Variants in NRXN1 observed in about 807,000 individuals in gnomAD.
NRXN1 encodes the protein neurexin-1.
A neutral mutation model predicts 150.9 loss-of-function variants in NRXN1; 39 were observed. The ratio of observed to expected loss-of-function variants is 0.26; its 90% CI spans 0.20 to 0.34. NRXN1 has a LOEUF of 0.34. Among genes scored for constraint, NRXN1 ranks in the 10% least tolerant of loss-of-function variants. The pLI, the probability that NRXN1 is intolerant of heterozygous loss-of-function variation, is 1.00. For missense variants in NRXN1, 1,815 were observed against 1,949.9 expected (o/e 0.93, Z 1.30); for synonymous variants, 924 against 757.0 (o/e 1.22, Z -3.62).
chr2:50,903,524 G>A (rs918701960), intron 5 of NRXN1, among the ~76,000 whole-genome samples: 6 of 151,886 alleles, frequency 4.0e-5, no homozygotes, highest in African/African-American at 9.7e-5. Context: ...TTTGTTTTTT[G>A]TAGTGACATG....
chr2:50,623,254 C>A, intron 6 of NRXN1, 60 bp downstream of exon 6: 1 of 1,364,666 alleles, frequency 7.3e-7, no homozygotes, highest in South Asian at 1.3e-5. Context: ...ATTTAAGTAC[C>A]ACACACACAG....
At chr2:50,526,398 T>C (rs945036851) in intron 12 of NRXN1, among the ~76,000 whole-genome samples, 1 of 152,174 alleles carries the variant, frequency 6.6e-6, no homozygotes, top group Non-Finnish European at 1.5e-5. Flanking sequence ...TTAATAAACG[T>C]ACATTAATTT....
At chr2:50,391,506 C>T (rs575293267) in intron 17 of NRXN1, among the ~76,000 whole-genome samples, 1 of 152,104 alleles carries the variant, frequency 6.6e-6, no homozygotes, top group South Asian at 2.1e-4. Flanking sequence ...AAGCAACCCT[C>T]TTAAAATATA....
chr2:50,553,516 C>T (rs1667815568), intron 8 of NRXN1, among the ~76,000 whole-genome samples: 1 of 152,162 alleles, frequency 6.6e-6, no homozygotes. Context: ...ATCTATATAT[C>T]TGCTGTGGAT....
chr2:49,942,344 C>T (rs1338273723), intron 22 of NRXN1, among the ~76,000 whole-genome samples: 1 of 152,078 alleles, frequency 6.6e-6, no homozygotes. Flanking sequence ...TCTCTAAGCG[C>T]TACAGTCAGT....
At chr2:50,213,040 T>C (rs1020759335) in intron 18 of NRXN1, among the ~76,000 whole-genome samples, 1 of 151,922 alleles carries the variant, frequency 6.6e-6, no homozygotes, top group African/African-American at 2.4e-5. Flanking sequence ...TCTGTCTTTA[T>C]AATTGCTCAT....
At chr2:50,362,264 A>G (rs972720952) in intron 17 of NRXN1, among the ~76,000 whole-genome samples, 4 of 152,186 alleles carry the variant, frequency 2.6e-5, no homozygotes, top group African/African-American at 9.7e-5. Flanking sequence ...ATCAGGCAAG[A>G]GAAAGAAATA....
At chr2:50,829,694 G>A (rs1671117666) in intron 5 of NRXN1, 2 of 1,605,940 alleles carry the variant, frequency 1.2e-6, no homozygotes, top group Admixed American at 1.7e-5. Flanking sequence ...CGCCGCGCCA[G>A]GCCGCCCGCA....
intron 2 of NRXN1, among the ~76,000 whole-genome samples, chr2:50,972,496 G>A (rs953210806): frequency 6.6e-6 from 1 of 152,076 alleles, no homozygotes; most frequent in South Asian, 2.1e-4. Flanking sequence ...GACTGGGGAG[G>A]GGGGTGGTTT....
At chr2:49,971,941 C>T (rs1251665553) in intron 21 of NRXN1, among the ~76,000 whole-genome samples, 5 of 151,978 alleles carry the variant, frequency 3.3e-5, no homozygotes, top group Non-Finnish European at 1.5e-5. Flanking sequence ...AGAATGGAAA[C>T]TTTCTTTGGA....
intron 2 of NRXN1, among the ~76,000 whole-genome samples, chr2:50,977,707 T>C (rs1391938009): frequency 6.6e-6 from 1 of 151,928 alleles, no homozygotes; most frequent in African/African-American, 2.4e-5. Flanking sequence ...TCTAAGTTAC[T>C]TCAATCCTCT....
chr2:50,343,848 A>G (rs895637223), intron 17 of NRXN1, among the ~76,000 whole-genome samples: 1 of 152,232 alleles, frequency 6.6e-6, no homozygotes, highest in Non-Finnish European at 1.5e-5. Context: ...TGCATTCTCT[A>G]TTATGAAAGA....
intron 5 of NRXN1, among the ~76,000 whole-genome samples, chr2:50,716,342 T>C (rs1020626819): frequency 1.3e-5 from 2 of 152,072 alleles, no homozygotes; most frequent in African/African-American, 4.8e-5. Context: ...GAGAAACATT[T>C]AGGAAGCCGC....
chr2:50,081,872 G>C (rs990263228), intron 19 of NRXN1, among the ~76,000 whole-genome samples: 1 of 151,810 alleles, frequency 6.6e-6, no homozygotes, highest in Admixed American at 6.6e-5. Context: ...ATTGAGTTGG[G>C]AATGTGACTT....
chr2:50,330,462 CT>C (rs1487774074), intron 17 of NRXN1, among the ~76,000 whole-genome samples: 1 of 152,064 alleles, frequency 6.6e-6, no homozygotes, highest in Non-Finnish European at 1.5e-5. Context: ...AGGCCACGTC[CT>C]TTTGCTTTAA....
Position 50,829,036 on chromosome 2 carries a change from A to G in NRXN1, c.832+92833T>C, listed in dbSNP as rs541389838. ...GCGGTTAGGAGCTGGAGACCAGCCC[A>G]GCCAACACAGCAAAACCCCGTCTCC... On this transcript the variant is annotated intron_variant, in intron 5 of 22. Transcript: ENST00000401669. Among the ~76,000 whole-genome samples, 40 of 152,316 alleles carry G rather than the reference A, an allele frequency of 2.6e-4. 1 individual carries two copies. The South Asian group carries it at 5.2e-3, about 20-fold the overall frequency.
At chr2:50,779,626 G>A (rs758438192) in intron 5 of NRXN1, among the ~76,000 whole-genome samples, 10 of 152,058 alleles carry the variant, frequency 6.6e-5, no homozygotes, top group Non-Finnish European at 1.5e-4. Context: ...AAATTAGCTG[G>A]GCGTGGTGGC....
At chr2:50,393,165 CAA>C (rs201195938) in intron 17 of NRXN1, among the ~76,000 whole-genome samples, 1 of 136,740 alleles carries the variant, frequency 7.3e-6, no homozygotes, top group Admixed American at 7.3e-5. Flanking sequence ...CTCTCCATAC[CAA>C]AAAAAAAAAT....
At chr2:50,625,679 A>T (rs1235782201) in intron 5 of NRXN1, among the ~76,000 whole-genome samples, 1 of 152,092 alleles carries the variant, frequency 6.6e-6, no homozygotes, top group African/African-American at 2.4e-5. Context: ...TGTGGGTCAA[A>T]ATATGAGTTT....
Sources: allele counts gnomAD v4.1 joint callset (sites outside exome capture counted in the v4.1 genomes callset), GRCh38; gene constraint gnomAD v4.1.1; transcripts MANE v1.5; gene names NCBI Gene and HGNC (gene_info 2026-07-23, HGNC 2026-07-21).